Variants in RCAN2 observed in about 807,000 individuals in gnomAD.
The protein encoded by RCAN2 is calcipressin-2.
Under a neutral mutation model 23.6 loss-of-function variants are expected in RCAN2, and 9 were observed. That is an observed-to-expected ratio of 0.38 (90% CI 0.23 to 0.67). The LOEUF (loss-of-function observed/expected upper bound fraction) is 0.67, where lower values mean the gene tolerates loss of function less well. RCAN2 is among the 30% of genes least tolerant of loss of function. The pLI, the probability that RCAN2 is intolerant of heterozygous loss-of-function variation, is 0.51. For synonymous variants in RCAN2, 109 were observed against 115.7 expected, an observed-to-expected ratio of 0.94 and a Z score of 0.37; for missense variants, 273 against 302.3, an observed-to-expected ratio of 0.90 and a Z score of 0.72.
At chr6:46,366,169 G>C (rs984379206) in intron 2 of RCAN2, among the ~76,000 whole-genome samples, 1 of 152,146 alleles carries the variant, frequency 6.6e-6, no homozygotes, top group Admixed American at 6.5e-5. Flanking sequence ...TTCTCAATTT[G>C]TACCTTTGAC....
rs1236704700 is a variant in RCAN2 at position 46,246,874 on chromosome 6, G to C, written c.445C>G (p.Pro149Ala). 1.9e-6 allele frequency: 3 copies of C among 1,605,602 alleles called. No homozygotes were observed. Among genetic ancestry groups the C allele is most frequent in the Non-Finnish European group, 2.6e-6 (3 of 1,175,132 alleles). Residue 149 changes from proline to alanine, a missense_variant, in exon 4 of 5, where the codon CCC (proline) becomes GCC (alanine). Coordinates refer to ENST00000371374, the MANE Select transcript of RCAN2 (RefSeq NM_001251974.2). ...ATGAGAAACTGTTTGGCAGGCTGGG[G>C]TGGAGCCAAGTGCAGTTTGTCTCCA... ...TDGDKLHLAP[P>A]QPAKQFLISP...
At chr6:46,281,001 G>A (rs539403535) in intron 2 of RCAN2, among the ~76,000 whole-genome samples, 43 of 152,232 alleles carry the variant, frequency 2.8e-4, no homozygotes, top group African/African-American at 8.7e-4. Context: ...TCTAGAGTAC[G>A]CATTAGCCAT....
At chr6:46,339,239 GTAT>G (rs1424379160) in intron 2 of RCAN2, among the ~76,000 whole-genome samples, 1 of 151,740 alleles carries the variant, frequency 6.6e-6, no homozygotes, top group Non-Finnish European at 1.5e-5. Flanking sequence ...ATATGATGTG[GTAT>G]TATGTAATAT....
At chr6:46,256,417 C>T (rs1464450925) in intron 2 of RCAN2, among the ~76,000 whole-genome samples, 3 of 69,062 alleles carry the variant, frequency 4.3e-5, no homozygotes, top group African/African-American at 1.4e-4. Flanking sequence ...AAAATATGTT[C>T]CAGGTAGAAT....
intron 1 of RCAN2, among the ~76,000 whole-genome samples, chr6:46,488,284 T>C (rs2150451121): frequency 6.6e-6 from 1 of 152,378 alleles, no homozygotes; most frequent in Admixed American, 6.5e-5. Flanking sequence ...CTTGGTTTTC[T>C]TGTCAGTCAT....
At chr6:46,259,922 G>A (rs997987723) in intron 2 of RCAN2, among the ~76,000 whole-genome samples, 15 of 152,210 alleles carry the variant, frequency 9.9e-5, no homozygotes, top group Non-Finnish European at 1.8e-4. Flanking sequence ...CAAGGTATGC[G>A]AGAAGGGGCA....
intron 4 of RCAN2, among the ~76,000 whole-genome samples, chr6:46,234,819 C>T (rs1766032739): frequency 6.6e-6 from 1 of 152,244 alleles, no homozygotes; most frequent in South Asian, 2.1e-4. Context: ...TCTGTCTCGT[C>T]TTTTCCCAAG....
intron 2 of RCAN2, among the ~76,000 whole-genome samples, chr6:46,435,698 C>A (rs1462652823): frequency 6.6e-6 from 1 of 152,178 alleles, no homozygotes; most frequent in Non-Finnish European, 1.5e-5. Flanking sequence ...GCTTGGTCAA[C>A]CAATCCAGTT....
intron 2 of RCAN2, among the ~76,000 whole-genome samples, chr6:46,411,858 A>C (rs1274767143): frequency 1.3e-5 from 2 of 152,180 alleles, no homozygotes; most frequent in African/African-American, 4.8e-5. Flanking sequence ...GTTAGAGATA[A>C]AGTCTGAAAG....
intron 2 of RCAN2, chr6:46,325,573 C>A: frequency 6.4e-7 from 1 of 1,552,692 alleles, no homozygotes; most frequent in Non-Finnish European, 8.7e-7. Flanking sequence ...GGCCAGGCCT[C>A]GGTGCTGCCT....
At chr6:46,357,702 G>A (rs1301613321) in intron 2 of RCAN2, among the ~76,000 whole-genome samples, 1 of 152,172 alleles carries the variant, frequency 6.6e-6, no homozygotes, top group African/African-American at 2.4e-5. Context: ...CACAGTCAAG[G>A]TCACACAGCT....
chr6:46,422,844 G>C (rs189789187), intron 2 of RCAN2, among the ~76,000 whole-genome samples: 1 of 152,336 alleles, frequency 6.6e-6, no homozygotes, highest in East Asian at 1.9e-4. Context: ...TTTAAAACAT[G>C]ATGAATAACA....
rs78374832 is a variant in RCAN2 at position 46,329,126 on chromosome 6, A to C, written c.226-80230T>G. Among the ~76,000 whole-genome samples the C allele has an allele frequency of 3.6e-3, 553 of 152,188 alleles. 4 individuals are homozygous for C. Among genetic ancestry groups the C allele is most frequent in the African/African-American group, 0.013 (528 of 41,530 alleles). ...AAAAAAAGAAAGAAACAAAGGAAAAACTTCCAAGCTCATTCCCATCTCAGG... is the reference window on the plus strand; with the variant it reads ...AAAAAAAGAAAGAAACAAAGGAAAACCTTCCAAGCTCATTCCCATCTCAGG... On this transcript the variant is annotated intron_variant, in intron 2 of 4. Coordinates refer to ENST00000371374, the MANE Select transcript of RCAN2 (RefSeq NM_001251974.2).
chr6:46,353,711 A>G (rs1194102468), intron 2 of RCAN2, among the ~76,000 whole-genome samples: 1 of 152,198 alleles, frequency 6.6e-6, no homozygotes, highest in Non-Finnish European at 1.5e-5. Flanking sequence ...TTAAAGAGGA[A>G]AAAGTATGGA....
At chr6:46,435,071 G>C (rs1767329853) in intron 2 of RCAN2, among the ~76,000 whole-genome samples, 1 of 152,176 alleles carries the variant, frequency 6.6e-6, no homozygotes, top group Non-Finnish European at 1.5e-5. Flanking sequence ...CTTCTATATA[G>C]ATTGGAATAT....
At chr6:46,487,018 A>G (rs1339569006) in intron 1 of RCAN2, among the ~76,000 whole-genome samples, 1 of 152,232 alleles carries the variant, frequency 6.6e-6, no homozygotes, top group East Asian at 1.9e-4. Flanking sequence ...AAAAGACACA[A>G]GAACAGTGAA....
intron 2 of RCAN2, among the ~76,000 whole-genome samples, chr6:46,350,601 C>T (rs1358705861): frequency 6.6e-6 from 1 of 152,230 alleles, no homozygotes; most frequent in African/African-American, 2.4e-5. Flanking sequence ...AACTGATCTG[C>T]TTCTTTACAT....
At chr6:46,243,318 T>C (rs1413631333) in intron 4 of RCAN2, among the ~76,000 whole-genome samples, 1 of 152,162 alleles carries the variant, frequency 6.6e-6, no homozygotes. Flanking sequence ...CAGTCCCAAA[T>C]TGCTGGCAAG....
intron 2 of RCAN2, among the ~76,000 whole-genome samples, chr6:46,443,001 T>C (rs1244273504): frequency 6.6e-6 from 1 of 152,190 alleles, no homozygotes; most frequent in African/African-American, 2.4e-5. Context: ...TAACTAATTA[T>C]GGGTCTCAGT....
Sources: gnomAD v4.1 joint callset for allele counts (sites outside exome capture counted in the v4.1 genomes callset) on GRCh38, gnomAD v4.1.1 for gene constraint, MANE v1.5 for transcripts, NCBI Gene and HGNC (gene_info 2026-07-23, HGNC 2026-07-21) for gene names.